LAMA3: variants seen among roughly 807,000 people sequenced by gnomAD.
LAMA3 encodes laminin subunit alpha-3.
Under a neutral mutation model 402.0 loss-of-function variants are expected in LAMA3, and 281 were observed. The observed-to-expected ratio is 0.70, with a 90% CI of 0.63 to 0.77. The LOEUF (loss-of-function observed/expected upper bound fraction) is 0.77. Among genes scored for constraint, LAMA3 ranks in the 30% least tolerant of loss-of-function variants. LAMA3 has a pLI of 0.00. For synonymous variants in LAMA3, 1,431 were observed against 1,558.4 expected, an observed-to-expected ratio of 0.92 and a Z score of 1.93; for missense variants, 3,840 against 4,215.5, an observed-to-expected ratio of 0.91 and a Z score of 2.47.
At chr18:23,734,341 G>C (rs2061438718) in intron 2 of LAMA3, among the ~76,000 whole-genome samples, 2 of 152,306 alleles carry the variant, frequency 1.3e-5, no homozygotes, top group South Asian at 4.1e-4. Context: ...CTCTGCCTCA[G>C]GGATCTTCCG....
At chr18:23,723,551 T>C (rs2061248447) in intron 2 of LAMA3, among the ~76,000 whole-genome samples, 1 of 152,070 alleles carries the variant, frequency 6.6e-6, no homozygotes, top group Non-Finnish European at 1.5e-5. Flanking sequence ...AAAGAGATAC[T>C]TGAACATGCT....
At position 23,884,810 on chromosome 18, in the gene LAMA3, C is replaced by T. The variant is rs143265060; in HGVS notation, c.5260C>T (p.Arg1754Trp). ...CTGTGTGGTGAATGGGGGAGACGTGCGGTGCTCCTGCAAAGCTGGGTACAC... is the reference window on the plus strand; with the variant it reads ...CTGTGTGGTGAATGGGGGAGACGTGTGGTGCTCCTGCAAAGCTGGGTACAC... ...TGCVVNGGDVRCSCKAGYTGT... is the reference protein window; with the variant it reads ...TGCVVNGGDVWCSCKAGYTGT... Residue 1754 changes from arginine (R) to tryptophan (W), a missense_variant, in exon 41 of 75, where the codon CGG (arginine) becomes TGG (tryptophan). Physicochemically the swap from Arg to Trp is moderately radical, Grantham distance 101. Coordinates refer to ENST00000313654, the MANE Select transcript of LAMA3 (RefSeq NM_198129.4). 9.2e-5 allele frequency: 149 copies of T among 1,613,604 alleles called. No individual in the cohort carries two copies. The highest frequency in any genetic ancestry group is 1.2e-4 in the Non-Finnish European group (138 of 1,179,848).
intron 32 of LAMA3, among the ~76,000 whole-genome samples, chr18:23,849,839 G>T (rs753330626): frequency 6.6e-6 from 1 of 152,152 alleles, no homozygotes; most frequent in Non-Finnish European, 1.5e-5. Context: ...CCTTAGGAAA[G>T]GGACTATAAT....
intron 2 of LAMA3, among the ~76,000 whole-genome samples, chr18:23,746,567 G>C (rs548242669): frequency 6.6e-6 from 1 of 152,178 alleles, no homozygotes; most frequent in Non-Finnish European, 1.5e-5. Flanking sequence ...GTAAAGCAAT[G>C]CCACTGCTCT....
chr18:23,783,471 G>A (rs2062477071), intron 11 of LAMA3, among the ~76,000 whole-genome samples: 1 of 152,138 alleles, frequency 6.6e-6, no homozygotes, highest in African/African-American at 2.4e-5. Context: ...TAAGGGAAGG[G>A]TATACCAGGC....
rs2062303529 is a variant in LAMA3, at chr18:23,775,780, G to A, written c.1274-12G>A. On this transcript the variant is annotated splice_polypyrimidine_tract_variant and intron_variant, in intron 9 of 74. Transcript: ENST00000313654. ...GAAGGACGGATCCTTTGAAAACTGG[G>A]ATTTCTCTTAGCCTGCAGCTGTGAC... 6.2e-7 allele frequency: 1 copy of A among 1,613,962 alleles called. No homozygotes were observed. The highest frequency in any genetic ancestry group is 1.1e-5 in the South Asian group (1 of 91,070).
intron 2 of LAMA3, among the ~76,000 whole-genome samples, chr18:23,716,044 CA>C (rs1313915040): frequency 1.3e-5 from 2 of 152,274 alleles, no homozygotes; most frequent in Admixed American, 6.5e-5. Context: ...CTTCATGGTT[CA>C]AAAGACTCTA....
At chr18:23,724,258 T>G (rs1315355400) in intron 2 of LAMA3, among the ~76,000 whole-genome samples, 1 of 152,218 alleles carries the variant, frequency 6.6e-6, no homozygotes, top group Non-Finnish European at 1.5e-5. Flanking sequence ...TACGTATACA[T>G]CTTTATTTTC....
intron 8 of LAMA3, among the ~76,000 whole-genome samples, chr18:23,767,161 C>T (rs894906307): frequency 3.9e-5 from 6 of 152,012 alleles, no homozygotes; most frequent in Non-Finnish European, 7.4e-5. Context: ...TACATCTAAC[C>T]AAGGAGGTGA....
chr18:23,785,202 T>C (rs975456027), intron 12 of LAMA3, among the ~76,000 whole-genome samples: 1 of 152,206 alleles, frequency 6.6e-6, no homozygotes, highest in Non-Finnish European at 1.5e-5. Context: ...CGGTCTAATC[T>C]TATTCACACA....
Position 23,858,096 on chromosome 18 carries a change from G to A in LAMA3, c.4281+108G>A, listed in dbSNP as rs746455433. 1.4e-4 allele frequency: 179 copies of A among 1,272,302 alleles called. 1 individual carries two copies. Among genetic ancestry groups the A allele is most frequent in the Non-Finnish European group, 1.9e-4 (167 of 888,038 alleles). 78.8% of individuals were successfully genotyped at this position (1,272,302 alleles called of 1,614,324 possible). A position where few individuals can be genotyped will look rare whatever the true frequency, so the allele number is the denominator to read the frequency against. ...TGGGAAATGGGACTGACCCGTAAGA[G>A]ATGTTGATAGTGTATGTAGCATTTT... On this transcript the variant is annotated intron_variant, in intron 33 of 74. Transcript: ENST00000313654.
At chr18:23,863,310 C>T (rs1393083874) in intron 35 of LAMA3, among the ~76,000 whole-genome samples, 2 of 152,060 alleles carry the variant, frequency 1.3e-5, no homozygotes, top group Non-Finnish European at 2.9e-5. Flanking sequence ...CTGGGCATGG[C>T]GGCAGGCGCC....
At chr18:23,826,651 G>T in intron 21 of LAMA3, 51 bp from the exon 22 acceptor site, 1 of 1,291,526 alleles carries the variant, frequency 7.7e-7, no homozygotes, top group Non-Finnish European at 1.1e-6. Flanking sequence ...TCTATCCAAA[G>T]TAGGGCTACC....
chr18:23,795,114 A>G (rs2062737796), intron 12 of LAMA3, among the ~76,000 whole-genome samples: 1 of 152,246 alleles, frequency 6.6e-6, no homozygotes, highest in African/African-American at 2.4e-5. Context: ...AAGGAATCCC[A>G]TAGGCCCACT....
intron 23 of LAMA3, among the ~76,000 whole-genome samples, chr18:23,829,407 T>C (rs577837762): frequency 5.6e-4 from 86 of 152,354 alleles, no homozygotes; most frequent in African/African-American, 1.8e-3. Flanking sequence ...TTTTATCCTC[T>C]CCTTCTTTCG....
chr18:23,744,246 G>C (rs750709549), intron 2 of LAMA3, among the ~76,000 whole-genome samples: 2 of 152,158 alleles, frequency 1.3e-5, no homozygotes, highest in East Asian at 3.8e-4. Flanking sequence ...AGCAGGGGTG[G>C]TGATAAATAA....
rs779194129 is a variant in LAMA3 at position 23,807,814 on chromosome 18, A to T, written c.1604-2552A>T. Among the ~76,000 whole-genome samples, 46 of 152,200 alleles carry T rather than the reference A, an allele frequency of 3.0e-4. 2 individuals carry two copies. The highest frequency in any genetic ancestry group is 8.8e-5 in the Non-Finnish European group (6 of 68,030). On this transcript the variant is annotated intron_variant, in intron 12 of 74. Coordinates refer to ENST00000313654, the MANE Select transcript of LAMA3 (RefSeq NM_198129.4). ...AAAATACCTTCACAGCACCATCTAG[A>T]CTAGTGTTTGACCATTTGGCAACAT... is the stretch of plus-strand genomic sequence containing the variant.
At chr18:23,695,847 C>T (rs1473263207) in intron 1 of LAMA3, among the ~76,000 whole-genome samples, 2 of 121,824 alleles carry the variant, frequency 1.6e-5, no homozygotes, top group African/African-American at 3.1e-5. Flanking sequence ...GAAATATGTG[C>T]ACTTCTTTAT....
intron 2 of LAMA3, among the ~76,000 whole-genome samples, chr18:23,743,564 G>C (rs1475978919): frequency 6.6e-6 from 1 of 152,202 alleles, no homozygotes; most frequent in Non-Finnish European, 1.5e-5. Flanking sequence ...AGAGGCTTCA[G>C]AGCATGCAGC....
Sources: allele counts gnomAD v4.1 joint callset (sites outside exome capture counted in the v4.1 genomes callset), GRCh38; gene constraint gnomAD v4.1.1; transcripts MANE v1.5; gene names NCBI Gene and HGNC (gene_info 2026-07-23, HGNC 2026-07-21).